SOX5: variants seen among roughly 807,000 people sequenced by gnomAD.
SOX5 encodes SRY-box transcription factor 5.
In SOX5, 9 loss-of-function variants were observed where a neutral mutation model predicts 92.0. The observed-to-expected ratio is 0.10, with a 90% CI of 0.06 to 0.17. SOX5 has a LOEUF of 0.17. Ranked by LOEUF, SOX5 falls within the 10% of genes least tolerant of loss-of-function variation. The probability of loss-of-function intolerance (pLI) is 1.00; values close to 1 mark genes in which losing one functional copy is unlikely to be tolerated. For missense variants in SOX5, 642 were observed against 944.5 expected (o/e 0.68, Z 4.20); for synonymous variants, 344 against 336.3 (o/e 1.02, Z -0.25).
chr12:24,190,345 A>G (rs747827051), intron 4 of SOX5, among the ~76,000 whole-genome samples: 14 of 152,252 alleles, frequency 9.2e-5, no homozygotes, highest in Non-Finnish European at 1.9e-4. Context: ...AACTCTGTTC[A>G]TAAAATCTTA....
intron 4 of SOX5, among the ~76,000 whole-genome samples, chr12:24,013,176 G>A (rs1953158913): frequency 6.6e-6 from 1 of 152,114 alleles, no homozygotes; most frequent in African/African-American, 2.4e-5. Flanking sequence ...GAATTGTATG[G>A]ACTGACTCTG....
chr12:24,469,781 G>C (rs577325487), intron 1 of SOX5, among the ~76,000 whole-genome samples: 1 of 152,268 alleles, frequency 6.6e-6, no homozygotes, highest in African/African-American at 2.4e-5. Flanking sequence ...GAGGATGAAT[G>C]CTGCATACCA....
intron 3 of SOX5, among the ~76,000 whole-genome samples, chr12:23,785,025 G>T (rs763114076): frequency 2.0e-5 from 3 of 152,154 alleles, no homozygotes; most frequent in Non-Finnish European, 4.4e-5. Flanking sequence ...TAGGCTACAG[G>T]GAGCCATGAT....
intron 6 of SOX5, among the ~76,000 whole-genome samples, chr12:23,680,325 C>CAAAAAAAAAAAAAAAAAAAAAA (rs57754255): frequency 6.2e-5 from 3 of 48,390 alleles, no homozygotes; most frequent in East Asian, 6.1e-4. Flanking sequence ...GACCTTGTCT[C>CAAAAAAAAAAAAAAAAAAAAAA]AAAAAAAAAA....
At chr12:23,679,403 A>C (rs7962089) in intron 6 of SOX5, among the ~76,000 whole-genome samples, 62,022 of 151,978 alleles carry the variant, frequency 0.41, 13,256 homozygotes, top group African/African-American at 0.54. Context: ...GCTGCTGCTG[A>C]TGATGATGAT....
intron 1 of SOX5, among the ~76,000 whole-genome samples, chr12:24,520,428 A>G (rs966935866): frequency 1.3e-5 from 2 of 152,096 alleles, no homozygotes; most frequent in Admixed American, 6.6e-5. Context: ...GGTTATAATG[A>G]TAAGATATTT....
At chr12:24,012,910 A>G (rs1953124239) in intron 4 of SOX5, among the ~76,000 whole-genome samples, 1 of 152,180 alleles carries the variant, frequency 6.6e-6, no homozygotes, top group African/African-American at 2.4e-5. Flanking sequence ...TCTATTCAGT[A>G]GAAGCAATAG....
chr12:24,039,019 T>C (rs1159564400), intron 4 of SOX5, among the ~76,000 whole-genome samples: 3 of 152,206 alleles, frequency 2.0e-5, no homozygotes, highest in African/African-American at 7.2e-5. Flanking sequence ...AAATAACCAG[T>C]ATTTTATGTA....
At chr12:24,046,333 A>G in intron 4 of SOX5, among the ~76,000 whole-genome samples, 1 of 152,192 alleles carries the variant, frequency 6.6e-6, no homozygotes, top group African/African-American at 2.4e-5. Flanking sequence ...AAGAGCTGAA[A>G]GGAGAGCCTT....
chr12:24,084,139 T>G (rs1943688249), intron 4 of SOX5, among the ~76,000 whole-genome samples: 1 of 152,052 alleles, frequency 6.6e-6, no homozygotes, highest in African/African-American at 2.4e-5. Flanking sequence ...AGGTTTACAT[T>G]AGTCTGGATG....
rs1408320550 is a variant in SOX5 at position 24,405,645 on chromosome 12, C to T, written c.-250-37006G>A. ...CAAGATAGAAGTGGCTAGTTTCATC[C>T]TATTCCCCTGCCACCCTGATCCCAG... On this transcript the variant is annotated intron_variant, in intron 1 of 4. Transcript: ENST00000446891. 6.6e-5 allele frequency among the ~76,000 whole-genome samples: 10 copies of T among 152,292 alleles called. No homozygotes were observed. The East Asian group carries it at 1.5e-3, about 24-fold the overall frequency.
At chr12:24,432,514 A>G (rs1938553962) in intron 1 of SOX5, among the ~76,000 whole-genome samples, 1 of 152,176 alleles carries the variant, frequency 6.6e-6, no homozygotes, top group East Asian at 1.9e-4. Flanking sequence ...AAAAAGTTAC[A>G]TATAAAATCC....
chr12:24,289,025 T>C (rs1320471131), intron 2 of SOX5, among the ~76,000 whole-genome samples: 2 of 152,210 alleles, frequency 1.3e-5, no homozygotes, highest in East Asian at 3.9e-4. Context: ...TTCTTTCACA[T>C]GTCCCTTTAA....
chr12:23,884,524 A>C (rs2097039317), intron 2 of SOX5, among the ~76,000 whole-genome samples: 1 of 152,246 alleles, frequency 6.6e-6, no homozygotes, highest in East Asian at 1.9e-4. Context: ...AGTTAACCCG[A>C]AGTTAGGGTA....
chr12:24,023,156 T>C (rs1183449591), intron 4 of SOX5, among the ~76,000 whole-genome samples: 2 of 152,176 alleles, frequency 1.3e-5, no homozygotes, highest in Non-Finnish European at 2.9e-5. Flanking sequence ...GGAGTATTTA[T>C]GCAAGCCATG....
At chr12:24,260,514 T>C (rs1348139197) in intron 3 of SOX5, among the ~76,000 whole-genome samples, 4 of 152,188 alleles carry the variant, frequency 2.6e-5, no homozygotes, top group Non-Finnish European at 5.9e-5. Flanking sequence ...ACATCTTAAT[T>C]GATGTTTAAT....
chr12:24,383,612 G>A (rs1484971591), intron 1 of SOX5, among the ~76,000 whole-genome samples: 2 of 152,272 alleles, frequency 1.3e-5, no homozygotes, highest in African/African-American at 2.4e-5. Context: ...TATGCCACCT[G>A]CCTGTTAGTC....
At chr12:23,567,747 T>A (rs1003548413) in intron 10 of SOX5, among the ~76,000 whole-genome samples, 2 of 152,098 alleles carry the variant, frequency 1.3e-5, no homozygotes, top group South Asian at 4.1e-4. Context: ...TGAGCCACCA[T>A]GCCTGGCCTG....
intron 4 of SOX5, among the ~76,000 whole-genome samples, chr12:23,960,391 A>C (rs891695114): frequency 4.9e-4 from 75 of 151,598 alleles, no homozygotes; most frequent in African/African-American, 1.6e-3. Flanking sequence ...TTACAAATGC[A>C]ATTCTACTTC....
Sources: gnomAD v4.1 joint callset for allele counts (sites outside exome capture counted in the v4.1 genomes callset) on GRCh38, gnomAD v4.1.1 for gene constraint, MANE v1.5 for transcripts, NCBI Gene and HGNC (gene_info 2026-07-23, HGNC 2026-07-21) for gene names.